RBM5: variants seen among roughly 807,000 people sequenced by gnomAD.
RBM5 encodes RNA-binding protein 5.
Under a neutral mutation model 124.6 loss-of-function variants are expected in RBM5, and 15 were observed. That is an observed-to-expected ratio of 0.12 (90% CI 0.08 to 0.19). RBM5 has a LOEUF of 0.19. Ranked by LOEUF, RBM5 falls within the 10% of genes least tolerant of loss-of-function variation. RBM5 has a pLI of 1.00. For synonymous variants in RBM5, 337 were observed against 361.2 expected (o/e 0.93, Z 0.76); for missense variants, 580 against 1,026.5 (o/e 0.57, Z 5.94).
intron 14 of RBM5, 103 bp downstream of exon 14, chr3:50,108,407 T>G: frequency 8.4e-7 from 1 of 1,187,228 alleles, no homozygotes; most frequent in Non-Finnish European, 1.2e-6. Flanking sequence ...TCCATTTCTC[T>G]GTAAGATTGT....
At chr3:50,097,393 CAAA>C (rs35592964) in intron 4 of RBM5, among the ~76,000 whole-genome samples, 2 of 114,042 alleles carry the variant, frequency 1.8e-5, no homozygotes, top group Admixed American at 9.3e-5. Flanking sequence ...AAGACTGTCT[CAAA>C]AAAAAAAAAA....
At chr3:50,089,558 A>C (rs2090664619) in intron 1 of RBM5, among the ~76,000 whole-genome samples, 1 of 152,218 alleles carries the variant, frequency 6.6e-6, no homozygotes, top group Admixed American at 6.5e-5. Flanking sequence ...GGGTGCCGGC[A>C]CCGCCCGGGA....
intron 1 of RBM5, chr3:50,089,842 A>C (rs998481101): frequency 1.3e-4 from 20 of 154,408 alleles, no homozygotes; most frequent in Admixed American, 9.5e-4. Flanking sequence ...GTTACCTAGG[A>C]ATTAGGTCGT....
chr3:50,114,372 G>C, intron 20 of RBM5, 121 bp downstream of exon 20: 11 of 964,806 alleles, frequency 1.1e-5, no homozygotes, highest in Non-Finnish European at 1.7e-5. Context: ...ACTGTTGATG[G>C]GTATTGGAGC....
chr3:50,113,385 C>T lies in RBM5; in HGVS notation c.1458C>T (p.Tyr486=). ...GTTTTTTGTTTGTTGTTTTCTAGTA[C>T]TACTATAATTCCTTGACCCAGCAGT... ...TGLYYDPNSQ[Y]YYNSLTQQYL... is the part of the protein sequence containing the mutation. Residue 486 remains tyrosine (Y), a splice_region_variant and synonymous_variant, in exon 18 of 25, where the codon TAC becomes TAT. Coordinates refer to ENST00000347869, the MANE Select transcript of RBM5 (RefSeq NM_005778.4). The T allele has an allele frequency of 6.2e-7, 1 of 1,605,532 alleles. No homozygotes were observed. The highest frequency in any genetic ancestry group is 8.5e-7 in the Non-Finnish European group (1 of 1,177,196).
chr3:50,113,102 C>A, intron 17 of RBM5: 1 of 219,928 alleles, frequency 4.5e-6, no homozygotes, highest in East Asian at 1.2e-4. Context: ...GATCTGCCCA[C>A]CACCACCTCC....
Position 50,110,479 on chromosome 3 carries a change from T to C in RBM5, c.1363+16T>C, listed in dbSNP as rs1164597147. On this transcript the variant is annotated intron_variant, in intron 16 of 24. Coordinates refer to ENST00000347869, the MANE Select transcript of RBM5 (RefSeq NM_005778.4). ...ACCAAATATGGTAAGCCAAACCTCA[T>C]GGGGCTGTTGACAGTTGGAAGGTCT... 2 of 1,605,552 alleles carry C rather than the reference T, an allele frequency of 1.2e-6. No homozygotes were observed. The highest frequency in any genetic ancestry group is 2.2e-5 in the East Asian group (1 of 44,860).
chr3:50,112,049 C>T (rs1472381077), intron 17 of RBM5: 3 of 149,482 alleles, frequency 2.0e-5, no homozygotes, highest in Non-Finnish European at 4.4e-5. Context: ...CCATTTATTT[C>T]CCTGTCAGTT....
Position 50,117,403 on chromosome 3 carries a change from A to T in RBM5, c.2322+24A>T. On this transcript the variant is annotated intron_variant, in intron 24 of 24. Transcript: ENST00000347869. This position sits in a 1 kb window ranked among gnomAD's most constrained non-coding sequence, Gnocchi z 4.2. ...AGGTAAGCAGTGGGGTCAGGTCTTG[A>T]TGTTTGCCAGGCTTACAGGCCGGTT... is the stretch of plus-strand genomic sequence containing the variant. 6.2e-7 allele frequency: 1 copy of T among 1,612,396 alleles called. No homozygotes were observed. The highest frequency in any genetic ancestry group is 8.5e-7 in the Non-Finnish European group (1 of 1,179,410).
In RBM5 at chr3:50,117,221, T is replaced by G. The variant is rs758387980; in HGVS notation, c.2193-29T>G. 6.2e-7 allele frequency: 1 copy of G among 1,614,178 alleles called. No homozygotes were observed. Among genetic ancestry groups the G allele is most frequent in the South Asian group, 1.1e-5 (1 of 91,086 alleles). The stretch of plus-strand genomic sequence containing the variant: ...TTCGTAAGCTGGGGCCCTGGCTGTT[T>G]TAAGTAACTGTGTGTTTGCCACTGG... On this transcript the variant is annotated intron_variant, in intron 23 of 24. Coordinates refer to ENST00000347869, the MANE Select transcript of RBM5 (RefSeq NM_005778.4). This position sits in a 1 kb window ranked among gnomAD's most constrained non-coding sequence, Gnocchi z 4.2.
intron 4 of RBM5, among the ~76,000 whole-genome samples, chr3:50,099,373 G>A (rs1418561225): frequency 2.0e-5 from 3 of 151,726 alleles, no homozygotes; most frequent in African/African-American, 2.4e-5. Flanking sequence ...TCTCTTTTTT[G>A]TGCCTTTTAG....
intron 4 of RBM5, among the ~76,000 whole-genome samples, chr3:50,097,839 G>A (rs535638140): frequency 2.0e-5 from 3 of 152,238 alleles, no homozygotes; most frequent in African/African-American, 7.2e-5. Context: ...GGTGGCTCAC[G>A]CCTGTAATCC....
intron 15 of RBM5, among the ~76,000 whole-genome samples, chr3:50,110,133 C>T (rs2091115722): frequency 6.6e-6 from 1 of 152,230 alleles, no homozygotes; most frequent in African/African-American, 2.4e-5. Flanking sequence ...ATTGCTTGAA[C>T]CCCGGAGACG....
chr3:50,092,312 A>G (rs1272446961), intron 3 of RBM5, 104 bp downstream of exon 3: 4 of 1,321,778 alleles, frequency 3.0e-6, no homozygotes, highest in Non-Finnish European at 4.1e-6. Flanking sequence ...CCATAATCCT[A>G]TCACTTTGGG....
At chr3:50,111,597 A>G (rs1240757625) in intron 17 of RBM5, among the ~76,000 whole-genome samples, 1 of 151,642 alleles carries the variant, frequency 6.6e-6, no homozygotes, top group Non-Finnish European at 1.5e-5. Context: ...CTGGTCTCGA[A>G]CTCCTGACCT....
chr3:50,112,566 T>C (rs1042981941), intron 17 of RBM5: 8 of 152,386 alleles, frequency 5.2e-5, no homozygotes, highest in African/African-American at 1.9e-4. Flanking sequence ...ACCTCTCCTC[T>C]GTTGCAATTC....
intron 12 of RBM5, 53 bp downstream of exon 12, chr3:50,107,622 C>G: frequency 1.7e-6 from 2 of 1,208,634 alleles, no homozygotes; most frequent in Non-Finnish European, 2.4e-6. Flanking sequence ...TGCCCAGATT[C>G]ACAGACGTGA....
chr3:50,113,699 T>G (rs1455578989), intron 18 of RBM5, among the ~76,000 whole-genome samples, 155 bp downstream of exon 18: 1 of 152,252 alleles, frequency 6.6e-6, no homozygotes, highest in African/African-American at 2.4e-5. Context: ...AATTTGTTAT[T>G]GTTACCATAT....
rs564020579 is a variant in RBM5, at chr3:50,099,472, CAT to C, written c.340-507_340-506del. 2.2e-3 allele frequency: 340 copies of C among 152,228 alleles called. 1 individual carries two copies. The highest frequency in any genetic ancestry group is 3.6e-3 in the Non-Finnish European group (246 of 68,058). 9.4% of individuals were successfully genotyped at this position (152,228 alleles called of 1,614,324 possible). A position where few individuals can be genotyped will look rare whatever the true frequency, so the allele number is the denominator to read the frequency against. On this transcript the variant is annotated intron_variant, in intron 4 of 24. Coordinates refer to ENST00000347869, the MANE Select transcript of RBM5 (RefSeq NM_005778.4). ...TGCATGTAATGATATGGGAGGCTGG[CAT>C]ATCACTTGAGGCCAGGAGTTCGAGA...
Sources: allele counts gnomAD v4.1 joint callset (sites outside exome capture counted in the v4.1 genomes callset), GRCh38; gene constraint gnomAD v4.1.1; non-coding constraint Gnocchi (gnomAD v3.1); transcripts MANE v1.5; gene names NCBI Gene and HGNC (gene_info 2026-07-23, HGNC 2026-07-21).